PKHD1: variants seen among roughly 807,000 people sequenced by gnomAD.
PKHD1 encodes the protein PKHD1 ciliary IPT domain containing fibrocystin/polyductin, also known as fibrocystin.
Under a neutral mutation model 412.0 loss-of-function variants are expected in PKHD1, and 291 were observed. The observed-to-expected ratio is 0.71, with a 90% CI of 0.64 to 0.78. PKHD1 has a LOEUF of 0.78. PKHD1 is among the 30% of genes least tolerant of loss of function. The pLI, the probability that PKHD1 is intolerant of heterozygous loss-of-function variation, is 0.00. For synonymous variants in PKHD1, 1,777 were observed against 1,821.5 expected (o/e 0.98, Z 0.62); for missense variants, 4,825 against 4,950.7 (o/e 0.97, Z 0.76).
Position 52,010,438 on chromosome 6 carries a change from T to C in PKHD1, c.5622A>G (p.Glu1874=), listed in dbSNP as rs762143995. The C allele has an allele frequency of 1.4e-5, 22 of 1,602,520 alleles. No individual in the cohort carries two copies. The East Asian group carries it at 4.2e-4, about 31-fold the overall frequency. The change falls in exon 35 of 67, where the codon GAA becomes GAG. Residue 1874 remains glutamate (E), a synonymous_variant. Transcript: ENST00000371117. ...TACAGGAGCTATTATAGATGAGAAC[T>C]TCATCTCTTTCCAATTTAGGGCTGA... ...LFISPKLERD[E]VLIYNSSCNI...
At chr6:51,797,006 G>A (rs985774016) in intron 52 of PKHD1, among the ~76,000 whole-genome samples, 2 of 151,936 alleles carry the variant, frequency 1.3e-5, no homozygotes, top group Admixed American at 6.6e-5. Flanking sequence ...TAAAGACAGG[G>A]TTTCACCGTG....
At chr6:51,881,848 C>T (rs1777425482) in intron 46 of PKHD1, among the ~76,000 whole-genome samples, 1 of 152,140 alleles carries the variant, frequency 6.6e-6, no homozygotes, top group African/African-American at 2.4e-5. Flanking sequence ...AACTGTTTAA[C>T]ATTTTCCACC....
intron 60 of PKHD1, among the ~76,000 whole-genome samples, chr6:51,710,254 C>T (rs1393732483): frequency 6.6e-6 from 1 of 152,074 alleles, no homozygotes; most frequent in Admixed American, 6.6e-5. Flanking sequence ...AATTAAAGTT[C>T]AGTTTGGGAA....
chr6:51,993,196 T>C (rs1797250435), intron 35 of PKHD1, among the ~76,000 whole-genome samples: 1 of 152,090 alleles, frequency 6.6e-6, no homozygotes, highest in Admixed American at 6.6e-5. Context: ...GGGAGGTGAG[T>C]GGGGAGAATG....
In PKHD1 at chr6:52,025,611, G is replaced by T; in HGVS notation, c.4199C>A (p.Ser1400Ter). The T allele has an allele frequency of 6.2e-7, 1 of 1,614,098 alleles. No homozygotes were observed. Among genetic ancestry groups the T allele is most frequent in the Non-Finnish European group, 8.5e-7 (1 of 1,180,010 alleles). The change falls in exon 32 of 67, where the codon TCG becomes TAG. Residue 1400 changes from serine to a stop codon, truncating the protein, a stop_gained. Coordinates refer to ENST00000371117, the MANE Select transcript of PKHD1 (RefSeq NM_138694.4). LOFTEE classifies it high-confidence loss of function. ...AGTAAGTATGGTCCCACCACATGCC[G>T]AACCCTGCGATGGGAAGATGGCCAT... is the stretch of plus-strand genomic sequence containing the variant. ...RIMAIFPSQG[S>*]ACGGTILTVR...
intron 61 of PKHD1, among the ~76,000 whole-genome samples, chr6:51,655,884 TTGG>T (rs1009535334): frequency 1.3e-5 from 2 of 152,128 alleles, no homozygotes; most frequent in African/African-American, 4.8e-5. Flanking sequence ...TTTTACACTG[TTGG>T]TGGGAGTGTA....
intron 52 of PKHD1, among the ~76,000 whole-genome samples, chr6:51,809,084 GA>G: frequency 6.6e-6 from 1 of 152,110 alleles, no homozygotes; most frequent in East Asian, 1.9e-4. Flanking sequence ...AATACTCAAA[GA>G]TACAAAATAA....
intron 34 of PKHD1, among the ~76,000 whole-genome samples, chr6:52,015,823 C>CAA (rs1254802647): frequency 1.0e-4 from 14 of 138,968 alleles, no homozygotes; most frequent in African/African-American, 3.7e-4. Flanking sequence ...GACTCAGTCT[C>CAA]AAAAAAAAAA....
At chr6:51,858,241 T>C (rs1180490085) in intron 48 of PKHD1, among the ~76,000 whole-genome samples, 1 of 152,214 alleles carries the variant, frequency 6.6e-6, no homozygotes, top group Non-Finnish European at 1.5e-5. Flanking sequence ...TTGTAATCTT[T>C]AGAAAAGCTT....
In PKHD1 at chr6:52,022,959, GT is replaced by G; in HGVS notation, c.5237-16del. ...ACCCAGGCAGCCTTTAAAGACAAAG[GT>G]ACAAGTTCTTGATCATACAGGCAAA... is the stretch of plus-strand genomic sequence containing the variant. On this transcript the variant is annotated splice_polypyrimidine_tract_variant and intron_variant, in intron 32 of 66. Coordinates refer to ENST00000371117, the MANE Select transcript of PKHD1 (RefSeq NM_138694.4). 6.2e-7 allele frequency: 1 copy of G among 1,613,908 alleles called. No individual in the cohort carries two copies. The highest frequency in any genetic ancestry group is 1.7e-5 in the Admixed American group (1 of 60,004).
chr6:51,855,714 A>G (rs544242690), intron 49 of PKHD1, among the ~76,000 whole-genome samples, 179 bp downstream of exon 49: 3 of 152,352 alleles, frequency 2.0e-5, no homozygotes, highest in Admixed American at 1.3e-4. Flanking sequence ...ACCAAATCTC[A>G]TATTTAGCTT....
intron 57 of PKHD1, among the ~76,000 whole-genome samples, chr6:51,749,326 T>A (rs1007654623): frequency 2.0e-5 from 3 of 152,210 alleles, no homozygotes; most frequent in Non-Finnish European, 2.9e-5. Flanking sequence ...TATAAGATTT[T>A]CTATATCTTT....
At chr6:51,620,154 G>A (rs756531328) in intron 66 of PKHD1, among the ~76,000 whole-genome samples, 1 of 152,058 alleles carries the variant, frequency 6.6e-6, no homozygotes, top group Non-Finnish European at 1.5e-5. Flanking sequence ...GCCTCTCTGG[G>A]CTTTAGTTGC....
At chr6:51,768,611 C>A (rs73426060) in intron 55 of PKHD1, among the ~76,000 whole-genome samples, 27,999 of 151,634 alleles carry the variant, frequency 0.18, 3,393 homozygotes, top group African/African-American at 0.34. Flanking sequence ...GATGAAATAT[C>A]CATTTTATAA....
intron 40 of PKHD1, among the ~76,000 whole-genome samples, chr6:51,906,954 C>T (rs1056576500): frequency 6.6e-6 from 1 of 152,036 alleles, no homozygotes; most frequent in African/African-American, 2.4e-5. Flanking sequence ...GTTCCATAGG[C>T]ATATTCTATG....
intron 43 of PKHD1, among the ~76,000 whole-genome samples, chr6:51,899,159 C>A (rs1445900031): frequency 6.6e-6 from 1 of 152,172 alleles, no homozygotes; most frequent in Non-Finnish European, 1.5e-5. Flanking sequence ...CTCCCTAACT[C>A]AATTTATGAG....
intron 36 of PKHD1, among the ~76,000 whole-genome samples, chr6:51,950,625 A>C (rs1312373678): frequency 6.6e-6 from 1 of 152,188 alleles, no homozygotes; most frequent in East Asian, 1.9e-4. Flanking sequence ...TGTATAAGTT[A>C]CCAGGTGATG....
At chr6:51,960,499 C>A in intron 35 of PKHD1, among the ~76,000 whole-genome samples, 1 of 152,068 alleles carries the variant, frequency 6.6e-6, no homozygotes, top group East Asian at 1.9e-4. Context: ...TGATGGGTGG[C>A]ATTTTGCTTT....
intron 22 of PKHD1, 146 bp from the exon 23 acceptor site, chr6:52,048,765 C>T: frequency 2.5e-6 from 2 of 805,236 alleles, no homozygotes; most frequent in Non-Finnish European, 4.1e-6. Context: ...AGGGAGTTTT[C>T]AGGACCACTC....
Sources: gnomAD v4.1 joint callset for allele counts (sites outside exome capture counted in the v4.1 genomes callset) on GRCh38, gnomAD v4.1.1 for gene constraint, MANE v1.5 for transcripts, NCBI Gene and HGNC (gene_info 2026-07-23, HGNC 2026-07-21) for gene names.